Variants in OGFOD3 observed in about 807,000 individuals in gnomAD.
The protein encoded by OGFOD3 is 2-oxoglutarate and iron dependent oxygenase domain containing 3.
In OGFOD3, 35 loss-of-function variants were observed where a neutral mutation model predicts 39.8. The observed-to-expected ratio is 0.88, with a 90% CI of 0.67 to 1.17. The LOEUF (loss-of-function observed/expected upper bound fraction) is 1.17, where lower values mean the gene tolerates loss of function less well. Ranked by LOEUF, OGFOD3 falls within the 50% of genes most tolerant of loss-of-function variation. The probability of loss-of-function intolerance (pLI) is 0.00; values close to 1 mark genes in which losing one functional copy is unlikely to be tolerated. For missense variants in OGFOD3, 438 were observed against 454.5 expected (o/e 0.96, Z 0.33); for synonymous variants, 200 against 192.0 (o/e 1.04, Z -0.34).
intron 4 of OGFOD3, 26 bp downstream of exon 4, chr17:82,409,342 G>A (rs1463120713): frequency 6.2e-7 from 1 of 1,612,168 alleles, no homozygotes; most frequent in Non-Finnish European, 8.5e-7. Flanking sequence ...GTAAAAAAAG[G>A]GGGGCAGGGA....
In OGFOD3 at chr17:82,411,760, C is replaced by A; in HGVS notation, c.305-230G>T. The A allele has an allele frequency of 1.9e-5, 10 of 538,062 alleles. No individual in the cohort carries two copies. The South Asian group carries it at 2.0e-4, about 11-fold the overall frequency. 33.3% of individuals were successfully genotyped at this position (538,062 alleles called of 1,614,324 possible). The stretch of plus-strand genomic sequence containing the variant: ...CAACTGGAAATTTAATCCAGAGGCA[C>A]CTGTTGCTGCCCCAAACCCTGGGAA... On this transcript the variant is annotated intron_variant, in intron 2 of 8. Coordinates refer to ENST00000313056, the MANE Select transcript of OGFOD3 (RefSeq NM_024648.3).
intron 4 of OGFOD3, 64 bp downstream of exon 4, chr17:82,409,304 C>T (rs1599699847): frequency 6.5e-7 from 1 of 1,543,590 alleles, no homozygotes. Flanking sequence ...CCTTCCCCTT[C>T]CCATCCAAGT....
intron 1 of OGFOD3, 139 bp downstream of exon 1, chr17:82,418,260 AGACCCCGCCCCCC>A (rs1159290145): frequency 2.6e-6 from 1 of 380,308 alleles, no homozygotes; most frequent in African/African-American, 2.2e-5. Context: ...GGGCTGCGGT[AGACCCCGCCCCCC>A]GCGGCAGACC....
intron 7 of OGFOD3, among the ~76,000 whole-genome samples, chr17:82,402,968 C>T (rs1372820920): frequency 6.6e-6 from 1 of 151,478 alleles, no homozygotes; most frequent in Non-Finnish European, 1.5e-5. Context: ...GCTGAGGCAG[C>T]AGGATGGCTT....
intron 2 of OGFOD3, among the ~76,000 whole-genome samples, chr17:82,412,102 C>T (rs1196924020): frequency 6.9e-5 from 5 of 71,962 alleles, no homozygotes; most frequent in Admixed American, 2.3e-4. Flanking sequence ...CTCCTGAGAC[C>T]ACTGGAGCAG....
In OGFOD3 at chr17:82,418,584, A is replaced by G. The variant is rs2143332637; in HGVS notation, c.-99T>C. ...GAGGCAGGCACGGCGCAGGGACGCG[A>G]GTGCGACGCGCTCGGCCATCGGCCC... On this transcript the variant is annotated 5_prime_UTR_variant, in exon 1 of 9. Coordinates refer to ENST00000313056, the MANE Select transcript of OGFOD3 (RefSeq NM_024648.3). 1.9e-6 allele frequency: 1 copy of G among 540,402 alleles called. No individual in the cohort carries two copies. The allele number at this position is 540,402 out of a possible 1,614,324, so 33.5% of individuals were successfully genotyped here.
At chr17:82,396,904 T>C (rs971010774) in intron 8 of OGFOD3, 4 of 152,138 alleles carry the variant, frequency 2.6e-5, no homozygotes, top group African/African-American at 9.7e-5. Flanking sequence ...ACGCCCCCAA[T>C]CCACGCCAGG....
At chr17:82,395,798 G>C (rs2052663080) in intron 8 of OGFOD3, among the ~76,000 whole-genome samples, 1 of 152,224 alleles carries the variant, frequency 6.6e-6, no homozygotes, top group Non-Finnish European at 1.5e-5. Context: ...TCCAGCCTGG[G>C]CGACAGAGCG....
intron 2 of OGFOD3, among the ~76,000 whole-genome samples, chr17:82,412,103 A>G (rs2052957045): frequency 1.4e-5 from 1 of 71,780 alleles, no homozygotes; most frequent in Admixed American, 2.3e-4. Flanking sequence ...TCCTGAGACC[A>G]CTGGAGCAGA....
rs1047149689 is a variant in OGFOD3, at chr17:82,418,540, A to T, written c.-55T>A. 8 of 1,048,746 alleles carry T rather than the reference A, an allele frequency of 7.6e-6. No individual in the cohort carries two copies. The African/African-American group carries it at 1.4e-4, about 18-fold the overall frequency. 65.0% of individuals were successfully genotyped at this position (1,048,746 alleles called of 1,614,324 possible). ...ACGCGGGCGCCAGGCCCGGGGACGA[A>T]CGCCGTAACAGGGAGCGCGAGGCAG... is the stretch of plus-strand genomic sequence containing the variant. On this transcript the variant is annotated 5_prime_UTR_variant, in exon 1 of 9. Transcript: ENST00000313056.
intron 2 of OGFOD3, among the ~76,000 whole-genome samples, chr17:82,412,478 G>T (rs972777964): frequency 2.0e-5 from 3 of 150,552 alleles, no homozygotes; most frequent in African/African-American, 4.9e-5. Context: ...GGGCAAGGTC[G>T]TTTGGGGCAG....
At chr17:82,394,867 G>A (rs573354971) in intron 8 of OGFOD3, among the ~76,000 whole-genome samples, 16 of 152,236 alleles carry the variant, frequency 1.1e-4, no homozygotes, top group East Asian at 7.7e-4. Flanking sequence ...ACCAAGGCTC[G>A]GCCGAGCATC....
intron 7 of OGFOD3, among the ~76,000 whole-genome samples, chr17:82,402,606 G>A (rs1466965711): frequency 1.3e-5 from 2 of 152,064 alleles, no homozygotes; most frequent in African/African-American, 4.8e-5. Flanking sequence ...AATTAGCCGA[G>A]CGTGGTGGCA....
chr17:82,415,303 C>T lies in OGFOD3; in HGVS notation c.304+95G>A. 1 of 1,245,872 alleles carries T rather than the reference C, an allele frequency of 8.0e-7. No homozygotes were observed. The highest frequency in any genetic ancestry group is 1.3e-5 in the South Asian group (1 of 74,278). 77.2% of individuals were successfully genotyped at this position (1,245,872 alleles called of 1,614,324 possible). ...GGAGAGGTTGTCTGCTACCCCCAAGCATACCACATCCAACCCAATTCCCAC... is the reference window on the plus strand; with the variant it reads ...GGAGAGGTTGTCTGCTACCCCCAAGTATACCACATCCAACCCAATTCCCAC... On this transcript the variant is annotated intron_variant, in intron 2 of 8. Transcript: ENST00000313056. This position sits in a 1 kb window ranked among gnomAD's most constrained non-coding sequence, Gnocchi z 5.3.
intron 4 of OGFOD3, 125 bp downstream of exon 4, chr17:82,409,243 G>A (rs1020478201): frequency 1.4e-5 from 13 of 912,542 alleles, no homozygotes; most frequent in Admixed American, 4.1e-5. Flanking sequence ...GAAACACCAC[G>A]GCAGGCCCCA....
intron 8 of OGFOD3, among the ~76,000 whole-genome samples, chr17:82,395,166 G>A (rs918581533): frequency 6.6e-6 from 1 of 152,104 alleles, no homozygotes. Flanking sequence ...TGAGTAGCTG[G>A]GACTATAGGT....
At chr17:82,405,057 T>A (rs1365302946) in intron 6 of OGFOD3, among the ~76,000 whole-genome samples, 1 of 152,128 alleles carries the variant, frequency 6.6e-6, no homozygotes, top group East Asian at 1.9e-4. Flanking sequence ...GCAGAATTTT[T>A]AAAACTGGGC....
At position 82,389,519 on chromosome 17, in the gene OGFOD3, T is replaced by C. The variant is rs1474037102; in HGVS notation, c.*2879A>G. On this transcript the variant is annotated 3_prime_UTR_variant, in exon 9 of 9. Transcript: ENST00000313056. This position sits in a 1 kb window ranked among gnomAD's most constrained non-coding sequence, Gnocchi z 4.6. ...GCCCAGGCTTCAATGATAAATTTTT[T>C]TTTGAGACAGTATCTTGCTGTCTCC... is the stretch of plus-strand genomic sequence containing the variant. 1 of 152,196 alleles carries C rather than the reference T, an allele frequency of 6.6e-6. No individual in the cohort carries two copies. The highest frequency in any genetic ancestry group is 1.5e-5 in the Non-Finnish European group (1 of 68,036). The allele number at this position is 152,196 out of a possible 1,614,324, so 9.4% of individuals were successfully genotyped here.
chr17:82,390,666 C>G lies in OGFOD3; in HGVS notation c.*1732G>C, dbSNP rs750307170. The stretch of plus-strand genomic sequence containing the variant: ...CCCACGCCGTCCTCCGCATGTGGCC[C>G]GTGGTGCAGGAGGGGCCCTGGGCAA... On this transcript the variant is annotated 3_prime_UTR_variant, in exon 9 of 9. Coordinates refer to ENST00000313056, the MANE Select transcript of OGFOD3 (RefSeq NM_024648.3). This position sits in a 1 kb window ranked among gnomAD's most constrained non-coding sequence, Gnocchi z 4.9. The G allele has an allele frequency of 5.5e-6, 1 of 182,960 alleles. No homozygotes were observed. Among genetic ancestry groups the G allele is most frequent in the Non-Finnish European group, 1.2e-5 (1 of 84,874 alleles). 11.3% of individuals were successfully genotyped at this position (182,960 alleles called of 1,614,324 possible). A position where few individuals can be genotyped will look rare whatever the true frequency, so the allele number is the denominator to read the frequency against.
Sources: allele counts gnomAD v4.1 joint callset (sites outside exome capture counted in the v4.1 genomes callset), GRCh38; gene constraint gnomAD v4.1.1; non-coding constraint Gnocchi (gnomAD v3.1); transcripts MANE v1.5; gene names NCBI Gene and HGNC (gene_info 2026-07-23, HGNC 2026-07-21).